KCMF1: variants seen among roughly 807,000 people sequenced by gnomAD.
The protein encoded by KCMF1 is potassium channel modulatory factor 1.
KCMF1 carries 3 observed loss-of-function variants against 41.1 expected under a neutral mutation model. That is an observed-to-expected ratio of 0.07 (90% CI 0.03 to 0.19). The LOEUF (loss-of-function observed/expected upper bound fraction) is 0.19. Ranked by LOEUF, KCMF1 falls within the 10% of genes least tolerant of loss-of-function variation. The probability of loss-of-function intolerance (pLI) is 1.00; values close to 1 mark genes in which losing one functional copy is unlikely to be tolerated. For synonymous variants in KCMF1, 142 were observed against 164.5 expected, an observed-to-expected ratio of 0.86 and a Z score of 1.04; for missense variants, 286 against 488.9, an observed-to-expected ratio of 0.58 and a Z score of 3.91.
chr2:84,996,430 ATTTTTTT>A (rs869089697), intron 1 of KCMF1, among the ~76,000 whole-genome samples: 10 of 124,058 alleles, frequency 8.1e-5, no homozygotes, highest in African/African-American at 3.3e-4. Flanking sequence ...ATAACCTAAG[ATTTTTTT>A]TTTTTTTTTT....
chr2:84,990,201 A>G (rs566464853), intron 1 of KCMF1, among the ~76,000 whole-genome samples: 11 of 152,352 alleles, frequency 7.2e-5, no homozygotes, highest in Admixed American at 2.0e-4. Flanking sequence ...AATGTGTTAA[A>G]TTCTGACTGA....
At chr2:85,018,795 ATTTTTTT>A (rs34627507) in intron 1 of KCMF1, among the ~76,000 whole-genome samples, 32 of 73,690 alleles carry the variant, frequency 4.3e-4, no homozygotes, top group Middle Eastern at 9.1e-3. Context: ...CAGAACTTTG[ATTTTTTT>A]TTTTTTTTTT....
chr2:84,983,279 T>A (rs929703100), intron 1 of KCMF1, among the ~76,000 whole-genome samples: 2 of 152,170 alleles, frequency 1.3e-5, no homozygotes, highest in Non-Finnish European at 2.9e-5. Flanking sequence ...AACATGTAAC[T>A]GACATAGAAT....
rs1675958220 is a variant in KCMF1 at position 85,057,304 on chromosome 2, AAC to A, written c.*3897_*3898del. ...TTTCTAAAGCTCAACTAGACACTAA[AAC>A]AGTTCTCTCCTTGAGACCGGAAGTG... On this transcript the variant is annotated 3_prime_UTR_variant, in exon 7 of 7. Coordinates refer to ENST00000409785, the MANE Select transcript of KCMF1 (RefSeq NM_020122.5). 1 of 152,304 alleles carries A rather than the reference AAC, an allele frequency of 6.6e-6. No homozygotes were observed. The highest frequency in any genetic ancestry group is 2.4e-5 in the African/African-American group (1 of 41,542). 9.4% of individuals were successfully genotyped at this position (152,304 alleles called of 1,614,324 possible).
intron 1 of KCMF1, among the ~76,000 whole-genome samples, chr2:85,027,298 T>C (rs959652141): frequency 5.9e-5 from 9 of 151,976 alleles, no homozygotes; most frequent in Admixed American, 4.6e-4. Flanking sequence ...GTGAAAAGCC[T>C]TCTTTAGTGC....
chr2:85,056,413 A>G lies in KCMF1; in HGVS notation c.*3004A>G, dbSNP rs1014991492. 8 of 152,166 alleles carry G rather than the reference A, an allele frequency of 5.3e-5. No homozygotes were observed. Among genetic ancestry groups the G allele is most frequent in the African/African-American group, 1.9e-4 (8 of 41,424 alleles). The allele number at this position is 152,166 out of a possible 1,614,324, so 9.4% of individuals were successfully genotyped here. A position where few individuals can be genotyped will look rare whatever the true frequency, so the allele number is the denominator to read the frequency against. Reference sequence around the variant, plus strand: ...CCGGTCTGTGGGCCACAGTTAAAAGAACGGGTAACAGGTTCAGAGTTCTCT... The same window carrying G: ...CCGGTCTGTGGGCCACAGTTAAAAGGACGGGTAACAGGTTCAGAGTTCTCT... On this transcript the variant is annotated 3_prime_UTR_variant, in exon 7 of 7. Transcript: ENST00000409785.
chr2:85,039,113 T>C (rs1052959911), intron 3 of KCMF1, among the ~76,000 whole-genome samples: 1 of 152,224 alleles, frequency 6.6e-6, no homozygotes, highest in Non-Finnish European at 1.5e-5. Context: ...TGTTTTAAAC[T>C]AAAGTGTTAA....
intron 1 of KCMF1, among the ~76,000 whole-genome samples, chr2:84,985,558 C>T (rs373438575): frequency 2.0e-5 from 3 of 150,962 alleles, no homozygotes; most frequent in South Asian, 2.1e-4. Context: ...TGGCCTGGCG[C>T]GGTGGCTCAC....
intron 1 of KCMF1, among the ~76,000 whole-genome samples, chr2:85,009,076 C>T (rs558530328): frequency 6.6e-6 from 1 of 152,140 alleles, no homozygotes; most frequent in African/African-American, 2.4e-5. Flanking sequence ...GCTCTGTATC[C>T]CCACCCAAAT....
At chr2:85,034,647 A>C (rs183878964) in intron 2 of KCMF1, among the ~76,000 whole-genome samples, 1 of 152,284 alleles carries the variant, frequency 6.6e-6, no homozygotes, top group East Asian at 1.9e-4. Context: ...ACGTTGTTGA[A>C]TATTTTAGGC....
chr2:84,984,143 G>A (rs1384237478), intron 1 of KCMF1, among the ~76,000 whole-genome samples: 1 of 152,154 alleles, frequency 6.6e-6, no homozygotes, highest in African/African-American at 2.4e-5. Flanking sequence ...CACTTTGGGA[G>A]GCTGAGGAAG....
chr2:85,007,800 C>G (rs1428373149), intron 1 of KCMF1, among the ~76,000 whole-genome samples: 1 of 152,166 alleles, frequency 6.6e-6, no homozygotes, highest in Non-Finnish European at 1.5e-5. Flanking sequence ...GAGACAGAGT[C>G]TCGTCACCCA....
chr2:85,036,538 G>A (rs1325444814), intron 3 of KCMF1, among the ~76,000 whole-genome samples: 1 of 152,116 alleles, frequency 6.6e-6, no homozygotes, highest in Non-Finnish European at 1.5e-5. Flanking sequence ...ACTCATGACT[G>A]TAATCCCAAC....
Position 85,049,599 on chromosome 2 carries a change from A to G in KCMF1, c.835A>G (p.Thr279Ala). ...CACAGCAACAACCAACATAGCTAAT[A>G]CAGAAAGCAGTCAGCAGACTCTACA... Reference protein sequence around the residue: ...QSTATTNIANTESSQQTLQNS... With the variant: ...QSTATTNIANAESSQQTLQNS... The change falls in exon 6 of 7, where the codon ACA becomes GCA. Residue 279 changes from threonine (T) to alanine (A), a missense_variant. Thr to Ala is a moderately conservative substitution (Grantham distance 58, BLOSUM62 0). Coordinates refer to ENST00000409785, the MANE Select transcript of KCMF1 (RefSeq NM_020122.5). 6.2e-7 allele frequency: 1 copy of G among 1,613,964 alleles called. No individual in the cohort carries two copies. Among genetic ancestry groups the G allele is most frequent in the Non-Finnish European group, 8.5e-7 (1 of 1,179,838 alleles).
intron 1 of KCMF1, among the ~76,000 whole-genome samples, chr2:84,989,655 A>G (rs1673989124): frequency 6.6e-6 from 1 of 152,188 alleles, no homozygotes; most frequent in Admixed American, 6.5e-5. Flanking sequence ...ATTGTGGAAG[A>G]ATGAAAAGTC....
chr2:84,986,844 T>G (rs1392085849), intron 1 of KCMF1, among the ~76,000 whole-genome samples: 1 of 152,132 alleles, frequency 6.6e-6, no homozygotes, highest in African/African-American at 2.4e-5. Flanking sequence ...ATCACGCCAC[T>G]GTACTCCAGC....
intron 1 of KCMF1, among the ~76,000 whole-genome samples, chr2:85,024,167 A>T (rs540528806): frequency 1.3e-5 from 2 of 152,230 alleles, no homozygotes; most frequent in Admixed American, 6.5e-5. Context: ...TTTTCAATCA[A>T]TGTAGGCTGT....
chr2:84,980,891 T>G (rs1041952132), intron 1 of KCMF1, among the ~76,000 whole-genome samples: 3 of 152,246 alleles, frequency 2.0e-5, no homozygotes, highest in African/African-American at 7.2e-5. Flanking sequence ...TCCTCTTGCC[T>G]CGGCCTCACA....
chr2:85,010,543 C>T (rs1293198805), intron 1 of KCMF1, among the ~76,000 whole-genome samples: 1 of 152,172 alleles, frequency 6.6e-6, no homozygotes. Context: ...GTCCGGTGCA[C>T]CACTATCCAG....
Sources: gnomAD v4.1 joint callset for allele counts (sites outside exome capture counted in the v4.1 genomes callset) on GRCh38, gnomAD v4.1.1 for gene constraint, MANE v1.5 for transcripts, NCBI Gene and HGNC (gene_info 2026-07-23, HGNC 2026-07-21) for gene names.